The following HPCAL1 variants were observed in gnomAD, a reference collection of about 807,000 sequenced individuals.
The protein encoded by HPCAL1 is hippocalcin like 1, also known as hippocalcin-like protein 1.
In HPCAL1, 8 loss-of-function variants were observed where a neutral mutation model predicts 17.1. The observed-to-expected ratio is 0.47, with a 90% CI of 0.27 to 0.84. The LOEUF (loss-of-function observed/expected upper bound fraction) is 0.84, where lower values mean the gene tolerates loss of function less well. Among genes scored for constraint, HPCAL1 ranks in the 40% least tolerant of loss-of-function variants. The pLI is 0.13. For synonymous variants in HPCAL1, 112 were observed against 111.4 expected (o/e 1.01, Z -0.03); for missense variants, 165 against 271.1 (o/e 0.61, Z 2.75).
chr2:10,392,206 C>T (rs1292847707), intron 1 of HPCAL1, among the ~76,000 whole-genome samples: 2 of 151,762 alleles, frequency 1.3e-5, no homozygotes, highest in African/African-American at 2.4e-5. Flanking sequence ...CCATGCCTAG[C>T]TTGTTTATTT....
intron 1 of HPCAL1, among the ~76,000 whole-genome samples, chr2:10,339,532 A>G (rs569423807): frequency 2.6e-5 from 4 of 152,238 alleles, no homozygotes; most frequent in African/African-American, 7.2e-5. Context: ...TATTTTTAGT[A>G]GAGACAGAGT....
At chr2:10,318,064 A>G (rs1185424773) in intron 1 of HPCAL1, among the ~76,000 whole-genome samples, 2 of 152,208 alleles carry the variant, frequency 1.3e-5, no homozygotes, top group East Asian at 3.8e-4. Context: ...GCTTCTGATA[A>G]TTTTATACAT....
chr2:10,409,538 G>C lies in HPCAL1; in HGVS notation c.-24-10196G>C, dbSNP rs938573163. Among the ~76,000 whole-genome samples the C allele has an allele frequency of 2.6e-5, 4 of 152,300 alleles. No individual in the cohort carries two copies. The South Asian group carries it at 8.3e-4, about 32-fold the overall frequency. On this transcript the variant is annotated intron_variant, in intron 2 of 4. Coordinates refer to ENST00000307845, the MANE Select transcript of HPCAL1 (RefSeq NM_002149.4). ...TTTTGAAAAATGCAATCAGCCCTAGGAGAGGGGCTTAGCTGCAGGGGCCGT... is the reference window on the plus strand; with the variant it reads ...TTTTGAAAAATGCAATCAGCCCTAGCAGAGGGGCTTAGCTGCAGGGGCCGT...
intron 2 of HPCAL1, among the ~76,000 whole-genome samples, chr2:10,399,980 C>G (rs1266690765): frequency 6.6e-6 from 1 of 152,182 alleles, no homozygotes; most frequent in East Asian, 1.9e-4. Context: ...GGGAGACAGA[C>G]AGTGAACTCA....
At position 10,349,826 on chromosome 2, in the gene HPCAL1, G is replaced by A. The variant is rs537214813; in HGVS notation, c.-111+46649G>A. Among the ~76,000 whole-genome samples the A allele has an allele frequency of 2.7e-5, 4 of 150,746 alleles. No individual in the cohort carries two copies. In the South Asian group the frequency reaches 8.4e-4, roughly 32 times the overall value. On this transcript the variant is annotated intron_variant, in intron 1 of 4. Coordinates refer to ENST00000307845, the MANE Select transcript of HPCAL1 (RefSeq NM_002149.4). The stretch of plus-strand genomic sequence containing the variant: ...ATTTATTCCCCATCTCTTGATACAG[G>A]GCCAAGACCTCTCTTGGATTATGGG...
chr2:10,413,351 T>C (rs1308480572), intron 2 of HPCAL1, among the ~76,000 whole-genome samples: 1 of 152,270 alleles, frequency 6.6e-6, no homozygotes. Context: ...CAAACCTCCC[T>C]GCCTCTGGAG....
At chr2:10,316,460 G>A (rs78417861) in intron 1 of HPCAL1, among the ~76,000 whole-genome samples, 4,328 of 152,216 alleles carry the variant, frequency 0.028, 84 homozygotes, top group East Asian at 0.11. Context: ...TGGGTTGACC[G>A]TATTTCTTTG....
rs1665273247 is a variant in HPCAL1, at chr2:10,344,308, A to G, written c.-111+41131A>G. 6.6e-6 allele frequency among the ~76,000 whole-genome samples: 1 copy of G among 152,114 alleles called. No homozygotes were observed. The highest frequency in any genetic ancestry group is 2.1e-4 in the South Asian group (1 of 4,830). ...CCCTGAGCCAAGGATTAATTACGTA[A>G]CAAGCCCAGATCCCATCCCTGCCTG... On this transcript the variant is annotated intron_variant, in intron 1 of 4. Coordinates refer to ENST00000307845, the MANE Select transcript of HPCAL1 (RefSeq NM_002149.4). This position sits in a 1 kb window ranked among gnomAD's most constrained non-coding sequence, Gnocchi z 4.9.
In HPCAL1 at chr2:10,384,132, C is replaced by T. The variant is rs1034877779; in HGVS notation, c.-110-12703C>T. On this transcript the variant is annotated intron_variant, in intron 1 of 4. Coordinates refer to ENST00000307845, the MANE Select transcript of HPCAL1 (RefSeq NM_002149.4). The surrounding 1 kb of genome is among the most constrained non-coding windows in gnomAD (Gnocchi z 4.4). Reference sequence around the variant, plus strand: ...TGCCCCACCCTTTAAAATAAACTTCCCAATCCTAGGCAGACAAAAGAACAA... The same window carrying T: ...TGCCCCACCCTTTAAAATAAACTTCTCAATCCTAGGCAGACAAAAGAACAA... 6.6e-5 allele frequency among the ~76,000 whole-genome samples: 10 copies of T among 152,084 alleles called. No individual in the cohort carries two copies. Among genetic ancestry groups the T allele is most frequent in the Admixed American group, 5.2e-4 (8 of 15,272 alleles).
intron 1 of HPCAL1, among the ~76,000 whole-genome samples, chr2:10,390,170 T>C (rs1043656473): frequency 2.0e-5 from 3 of 152,158 alleles, no homozygotes; most frequent in Non-Finnish European, 4.4e-5. Context: ...AGGTGTTGGG[T>C]GGTCTTTCCA....
chr2:10,327,084 G>A (rs1310648538), intron 1 of HPCAL1, among the ~76,000 whole-genome samples: 3 of 152,148 alleles, frequency 2.0e-5, no homozygotes, highest in Admixed American at 6.5e-5. Context: ...ACATTTTAGC[G>A]GGGAGTACAA....
chr2:10,422,275 T>C (rs1671111656), intron 3 of HPCAL1, among the ~76,000 whole-genome samples: 1 of 152,332 alleles, frequency 6.6e-6, no homozygotes, highest in Non-Finnish European at 1.5e-5. Context: ...GGAATGAGAA[T>C]ATCAAGCCAC....
At chr2:10,335,554 T>C (rs1374921991) in intron 1 of HPCAL1, among the ~76,000 whole-genome samples, 2 of 152,256 alleles carry the variant, frequency 1.3e-5, no homozygotes, top group Non-Finnish European at 2.9e-5. Context: ...TTTCGGCTGC[T>C]GACTTTTGGA....
In HPCAL1 at chr2:10,359,073, G is replaced by A. The variant is rs537513699; in HGVS notation, c.-110-37762G>A. On this transcript the variant is annotated intron_variant, in intron 1 of 4. Transcript: ENST00000307845. The surrounding 1 kb of genome is among the most constrained non-coding windows in gnomAD (Gnocchi z 4.1). ...GCATGCTCCCCTCGAGGTTTGACCCGTCTGCATGCTCCCCTAGAGGTTTGA... is the reference window on the plus strand; with the variant it reads ...GCATGCTCCCCTCGAGGTTTGACCCATCTGCATGCTCCCCTAGAGGTTTGA... Among the ~76,000 whole-genome samples the A allele has an allele frequency of 1.3e-5, 2 of 152,072 alleles. No individual in the cohort carries two copies. Among genetic ancestry groups the A allele is most frequent in the East Asian group, 1.9e-4 (1 of 5,188 alleles).
At chr2:10,412,999 G>A (rs763479214) in intron 2 of HPCAL1, among the ~76,000 whole-genome samples, 1 of 152,206 alleles carries the variant, frequency 6.6e-6, no homozygotes, top group African/African-American at 2.4e-5. Context: ...ACACTCTTCT[G>A]CCTCCACATT....
At chr2:10,406,984 G>A (rs545056676) in intron 2 of HPCAL1, among the ~76,000 whole-genome samples, 1 of 152,196 alleles carries the variant, frequency 6.6e-6, no homozygotes, top group East Asian at 1.9e-4. Context: ...AGCTCAAAGA[G>A]CTCCTCTCCA....
At chr2:10,374,585 G>A (rs996315914) in intron 1 of HPCAL1, among the ~76,000 whole-genome samples, 2 of 152,236 alleles carry the variant, frequency 1.3e-5, no homozygotes, top group Non-Finnish European at 2.9e-5. Context: ...CAAGAGGTGC[G>A]GTGGAACCAG....
chr2:10,418,424 G>A (rs1016201152), intron 2 of HPCAL1, among the ~76,000 whole-genome samples: 1 of 125,974 alleles, frequency 7.9e-6, no homozygotes, highest in South Asian at 2.8e-4. Context: ...GCCTGGAAGG[G>A]CAACACAGTG....
rs571232429 is a variant in HPCAL1 at position 10,363,326 on chromosome 2, C to T, written c.-110-33509C>T. Reference sequence around the variant, plus strand: ...AGTATTTCTGACTCCTGGAGCTCCACGGTGTGACAGGTGGGCAGGAGCTGC... The same window carrying T: ...AGTATTTCTGACTCCTGGAGCTCCATGGTGTGACAGGTGGGCAGGAGCTGC... On this transcript the variant is annotated intron_variant, in intron 1 of 4. Coordinates refer to ENST00000307845, the MANE Select transcript of HPCAL1 (RefSeq NM_002149.4). This position sits in a 1 kb window ranked among gnomAD's most constrained non-coding sequence, Gnocchi z 4.7. Among the ~76,000 whole-genome samples the T allele has an allele frequency of 3.3e-5, 5 of 152,260 alleles. No individual in the cohort carries two copies. Among genetic ancestry groups the T allele is most frequent in the East Asian group, 1.9e-4 (1 of 5,170 alleles).
Sources: gnomAD v4.1 joint callset for allele counts (sites outside exome capture counted in the v4.1 genomes callset) on GRCh38, gnomAD v4.1.1 for gene constraint, Gnocchi (gnomAD v3.1) non-coding constraint, MANE v1.5 for transcripts, NCBI Gene and HGNC (gene_info 2026-07-23, HGNC 2026-07-21) for gene names.